Variants in RALGAPA1 observed in about 807,000 individuals in gnomAD.
The protein encoded by RALGAPA1 is Ral GTPase activating protein catalytic subunit alpha 1, also known as ral GTPase-activating protein subunit alpha-1.
RALGAPA1 carries 52 observed loss-of-function variants against 269.6 expected under a neutral mutation model. That is an observed-to-expected ratio of 0.19 (90% CI 0.15 to 0.24). The LOEUF is 0.24. RALGAPA1 is among the 10% of genes least tolerant of loss of function. The pLI, the probability that RALGAPA1 is intolerant of heterozygous loss-of-function variation, is 1.00. For missense variants in RALGAPA1, 1,917 were observed against 3,013.9 expected, an observed-to-expected ratio of 0.64 and a Z score of 8.52; for synonymous variants, 817 against 1,008.3, an observed-to-expected ratio of 0.81 and a Z score of 3.60.
chr14:35,806,193 T>C (rs2077365987), intron 1 of RALGAPA1, among the ~76,000 whole-genome samples: 1 of 152,212 alleles, frequency 6.6e-6, no homozygotes, highest in African/African-American at 2.4e-5. Flanking sequence ...TTTAGCTAAA[T>C]AAGCACTTTT....
chr14:35,598,701 T>C (rs2059086090), intron 36 of RALGAPA1, among the ~76,000 whole-genome samples: 2 of 152,198 alleles, frequency 1.3e-5, no homozygotes, highest in Admixed American at 1.3e-4. Flanking sequence ...ATTACAAGCA[T>C]GAGCCACCGT....
At chr14:35,648,009 G>A (rs2062564761) in intron 31 of RALGAPA1, among the ~76,000 whole-genome samples, 1 of 152,088 alleles carries the variant, frequency 6.6e-6, no homozygotes, top group South Asian at 2.1e-4. Flanking sequence ...TGGGTGGGAA[G>A]GCTCACGCCT....
At chr14:35,710,156 T>A (rs2068176679) in intron 16 of RALGAPA1, among the ~76,000 whole-genome samples, 1 of 152,214 alleles carries the variant, frequency 6.6e-6, no homozygotes, top group African/African-American at 2.4e-5. Flanking sequence ...TACCACTACT[T>A]CTTCTATTTC....
intron 31 of RALGAPA1, among the ~76,000 whole-genome samples, chr14:35,645,346 G>GGT (rs58039867): frequency 0.086 from 11,155 of 129,450 alleles, 460 homozygotes; most frequent in African/African-American, 0.11. Flanking sequence ...TATAGAGATG[G>GGT]GTGTGTGTGT....
chr14:35,657,690 T>TA (rs528310943), intron 28 of RALGAPA1, among the ~76,000 whole-genome samples: 26,662 of 141,012 alleles, frequency 0.19, 2,810 homozygotes, highest in African/African-American at 0.29. Flanking sequence ...TATATATATA[T>TA]TTTTTTTTTT....
chr14:35,567,984 A>G (rs2056847436), intron 39 of RALGAPA1, among the ~76,000 whole-genome samples: 1 of 152,158 alleles, frequency 6.6e-6, no homozygotes, highest in Non-Finnish European at 1.5e-5. Flanking sequence ...TGAACTGTGA[A>G]AGAGGCAAAG....
intron 31 of RALGAPA1, among the ~76,000 whole-genome samples, chr14:35,645,727 C>G (rs986887870): frequency 7.5e-6 from 1 of 132,598 alleles, no homozygotes; most frequent in East Asian, 2.5e-4. Context: ...GAGACTCCAT[C>G]TCCAAAAAAA....
At chr14:35,655,066 T>C (rs1317833181) in intron 29 of RALGAPA1, among the ~76,000 whole-genome samples, 1 of 152,206 alleles carries the variant, frequency 6.6e-6, no homozygotes, top group East Asian at 1.9e-4. Context: ...CAGGTTTTTA[T>C]GTTTTATTAT....
At chr14:35,680,575 T>C (rs1439361555) in intron 21 of RALGAPA1, among the ~76,000 whole-genome samples, 1 of 138,296 alleles carries the variant, frequency 7.2e-6, no homozygotes, top group East Asian at 2.2e-4. Context: ...CACTACTGCC[T>C]TTAATTTTAT....
chr14:35,660,651 T>C (rs1343868788), intron 27 of RALGAPA1, among the ~76,000 whole-genome samples: 1 of 152,114 alleles, frequency 6.6e-6, no homozygotes, highest in East Asian at 1.9e-4. Context: ...TACTCCTATG[T>C]TCATTGCAGA....
At chr14:35,564,853 A>G (rs2056565667) in intron 39 of RALGAPA1, among the ~76,000 whole-genome samples, 1 of 151,956 alleles carries the variant, frequency 6.6e-6, no homozygotes, top group Admixed American at 6.6e-5. Context: ...TCTGAGGCCC[A>G]GATTTTCTAA....
At chr14:35,750,351 C>T (rs891813015) in intron 9 of RALGAPA1, 131 bp downstream of exon 9, 1 of 501,448 alleles carries the variant, frequency 2.0e-6, no homozygotes, top group African/African-American at 2.0e-5. Context: ...TTTGCATTTA[C>T]AAAATATATT....
Position 35,689,125 on chromosome 14 carries a change from G to C in RALGAPA1, c.3286C>G (p.His1096Asp). The change falls in exon 18 of 42, where the codon CAT becomes GAT. Residue 1096 changes from histidine to aspartate, a missense_variant. This residue lies in a region of RALGAPA1 where 615 missense variants were observed against 790.0 expected (regional missense o/e 0.78). Coordinates refer to ENST00000680220, the MANE Select transcript of RALGAPA1 (RefSeq NM_001346249.2). ...GTTGCTTTCTTGGCACGCATAACAT[G>C]TGGGACAGTGATTTTTTCATTAATT... Reference protein sequence around the residue: ...VQINEKITVPHVMRAKKATLK... With the variant: ...VQINEKITVPDVMRAKKATLK... The C allele has an allele frequency of 8.1e-7, 1 of 1,235,260 alleles. No individual in the cohort carries two copies. The highest frequency in any genetic ancestry group is 1.0e-6 in the Non-Finnish European group (1 of 989,910). 76.5% of individuals were successfully genotyped at this position (1,235,260 alleles called of 1,614,324 possible).
In RALGAPA1 at chr14:35,760,549, C is replaced by T. The variant is rs116130222; in HGVS notation, c.547+280G>A. On this transcript the variant is annotated intron_variant, in intron 6 of 41. Transcript: ENST00000680220. ...AATAAAGACTCTTGCCCATGTTTTC[C>T]CCTGTTCTCTCTGCCTCCTGACCAA... 4.2e-3 allele frequency among the ~76,000 whole-genome samples: 638 copies of T among 152,302 alleles called. 3 individuals carry two copies. The highest frequency in any genetic ancestry group is 0.014 in the African/African-American group (586 of 41,580).
intron 36 of RALGAPA1, among the ~76,000 whole-genome samples, chr14:35,597,059 C>T (rs1017117864): frequency 6.6e-6 from 1 of 152,116 alleles, no homozygotes; most frequent in African/African-American, 2.4e-5. Flanking sequence ...ATTTAGTCCC[C>T]TACTTGAAGG....
intron 37 of RALGAPA1, among the ~76,000 whole-genome samples, chr14:35,589,338 C>T (rs1195179077): frequency 1.3e-5 from 2 of 152,030 alleles, no homozygotes; most frequent in Non-Finnish European, 2.9e-5. Context: ...AGCTATTGTA[C>T]AACATAATGA....
At chr14:35,690,584 G>A (rs1333696385) in intron 17 of RALGAPA1, among the ~76,000 whole-genome samples, 1 of 151,968 alleles carries the variant, frequency 6.6e-6, no homozygotes, top group Non-Finnish European at 1.5e-5. Context: ...ACTTTATTAC[G>A]TATTAAAATC....
intron 16 of RALGAPA1, among the ~76,000 whole-genome samples, chr14:35,720,428 A>G (rs1281466797): frequency 1.3e-5 from 2 of 152,172 alleles, no homozygotes; most frequent in Non-Finnish European, 2.9e-5. Context: ...AATTTTTTAT[A>G]CAAGATGTAT....
At chr14:35,581,932 A>C (rs569959662) in intron 37 of RALGAPA1, among the ~76,000 whole-genome samples, 1 of 152,226 alleles carries the variant, frequency 6.6e-6, no homozygotes, top group Non-Finnish European at 1.5e-5. Flanking sequence ...TTGTATGCCA[A>C]TGTTCACTGC....
Sources: gnomAD v4.1 joint callset for allele counts (sites outside exome capture counted in the v4.1 genomes callset) on GRCh38, gnomAD v4.1.1 for gene constraint, gnomAD v4.1.1 regional missense constraint, MANE v1.5 for transcripts, NCBI Gene and HGNC (gene_info 2026-07-23, HGNC 2026-07-21) for gene names.